The following DAAM1 variants were observed in gnomAD, a reference collection of about 807,000 sequenced individuals.
DAAM1 encodes disheveled-associated activator of morphogenesis 1.
In DAAM1, 52 loss-of-function variants were observed where a neutral mutation model predicts 130.0. The ratio of observed to expected loss-of-function variants is 0.40; its 90% CI spans 0.32 to 0.50. The LOEUF is 0.50. Ranked by LOEUF, DAAM1 falls within the 20% of genes least tolerant of loss-of-function variation. The pLI, the probability that DAAM1 is intolerant of heterozygous loss-of-function variation, is 0.61. For missense variants in DAAM1, 1,134 were observed against 1,303.8 expected (o/e 0.87, Z 2.01); for synonymous variants, 452 against 444.5 (o/e 1.02, Z -0.21).
rs34255509 is a variant in DAAM1, at chr14:59,243,554, T to A, written c.-37-19887T>A. Among the ~76,000 whole-genome samples the A allele has an allele frequency of 2.2e-3, 335 of 152,200 alleles. 1 individual carries two copies. Among genetic ancestry groups the A allele is most frequent in the African/African-American group, 7.6e-3 (314 of 41,532 alleles). Reference sequence around the variant, plus strand: ...ATTTGAGGTGACTCCTTTACAGATATCAAGAGCTATGGCTGCCTCTGATTC... The same window carrying A: ...ATTTGAGGTGACTCCTTTACAGATAACAAGAGCTATGGCTGCCTCTGATTC... On this transcript the variant is annotated intron_variant, in intron 1 of 24. Transcript: ENST00000360909.
intron 20 of DAAM1, among the ~76,000 whole-genome samples, chr14:59,355,978 T>C (rs1162364132): frequency 6.6e-6 from 1 of 152,218 alleles, no homozygotes; most frequent in Non-Finnish European, 1.5e-5. Context: ...AAATGCTTCC[T>C]AGAAAGTGTT....
intron 15 of DAAM1, chr14:59,338,402 T>G: frequency 1.9e-6 from 3 of 1,613,772 alleles, no homozygotes; most frequent in Non-Finnish European, 1.7e-6. Flanking sequence ...TTGTGAACAG[T>G]AACTCCAAGC....
chr14:59,343,833 G>C (rs963826668), intron 16 of DAAM1, among the ~76,000 whole-genome samples: 1 of 152,156 alleles, frequency 6.6e-6, no homozygotes, highest in African/African-American at 2.4e-5. Context: ...CTCTCAGAAA[G>C]AGATGGCCTA....
At chr14:59,272,924 G>T (rs189080774) in intron 2 of DAAM1, among the ~76,000 whole-genome samples, 2 of 152,100 alleles carry the variant, frequency 1.3e-5, no homozygotes, top group African/African-American at 4.8e-5. Context: ...AGTTATTTTG[G>T]CCCTGAGAAC....
At chr14:59,254,684 C>T (rs927383458) in intron 1 of DAAM1, among the ~76,000 whole-genome samples, 11 of 152,126 alleles carry the variant, frequency 7.2e-5, no homozygotes, top group African/African-American at 2.7e-4. Flanking sequence ...TCTTGGCTTC[C>T]AGACTCTGGT....
intron 2 of DAAM1, among the ~76,000 whole-genome samples, chr14:59,271,969 G>T (rs7149285): frequency 4.6e-5 from 7 of 151,282 alleles, no homozygotes; most frequent in Admixed American, 6.6e-5. Flanking sequence ...ACTGATAGAA[G>T]GAAAAAAAAA....
intron 3 of DAAM1, among the ~76,000 whole-genome samples, chr14:59,314,047 T>C (rs1884692795): frequency 6.6e-6 from 1 of 152,266 alleles, no homozygotes; most frequent in Non-Finnish European, 1.5e-5. Context: ...AAATTGCATT[T>C]CTTTTATTCC....
chr14:59,275,056 G>A (rs897687579), intron 2 of DAAM1, among the ~76,000 whole-genome samples: 2 of 152,178 alleles, frequency 1.3e-5, no homozygotes, highest in Non-Finnish European at 2.9e-5. Context: ...CCTCTTGAGG[G>A]TGTGGGAGGG....
intron 23 of DAAM1, 62 bp from the exon 24 acceptor site, chr14:59,367,367 A>G (rs1031301034): frequency 2.2e-5 from 33 of 1,533,778 alleles, no homozygotes; most frequent in Admixed American, 6.3e-5. Flanking sequence ...TTCTCAAGTT[A>G]TTTATATTTG....
At chr14:59,219,670 G>C (rs553929920) in intron 1 of DAAM1, among the ~76,000 whole-genome samples, 1 of 152,316 alleles carries the variant, frequency 6.6e-6, no homozygotes, top group African/African-American at 2.4e-5. Flanking sequence ...CTTAGGTATA[G>C]TCAAGACTTA....
intron 1 of DAAM1, among the ~76,000 whole-genome samples, chr14:59,189,816 A>G (rs1887672671): frequency 6.6e-6 from 1 of 152,078 alleles, no homozygotes; most frequent in Non-Finnish European, 1.5e-5. Context: ...AAACCCTGCT[A>G]AGGTCTCAAG....
intron 17 of DAAM1, among the ~76,000 whole-genome samples, chr14:59,348,220 G>C (rs1051837465): frequency 6.6e-6 from 1 of 152,148 alleles, no homozygotes; most frequent in African/African-American, 2.4e-5. Flanking sequence ...GCAAGAATGG[G>C]ATTTACACCC....
chr14:59,221,052 TC>T (rs1421011852), intron 1 of DAAM1, among the ~76,000 whole-genome samples: 1 of 152,074 alleles, frequency 6.6e-6, no homozygotes, highest in Non-Finnish European at 1.5e-5. Context: ...TCCATACACA[TC>T]CCCTTAAACC....
intron 1 of DAAM1, among the ~76,000 whole-genome samples, chr14:59,196,960 G>A (rs1297704198): frequency 3.3e-5 from 5 of 151,828 alleles, no homozygotes; most frequent in South Asian, 2.1e-4. Context: ...TCGCTCTGTC[G>A]CCCAGGCTGG....
At chr14:59,211,215 C>G (rs909745362) in intron 1 of DAAM1, among the ~76,000 whole-genome samples, 1 of 151,984 alleles carries the variant, frequency 6.6e-6, no homozygotes, top group Non-Finnish European at 1.5e-5. Flanking sequence ...TTGTAATAAT[C>G]CCAGTAACAG....
chr14:59,257,887 C>T (rs1881981510), intron 1 of DAAM1, among the ~76,000 whole-genome samples: 1 of 152,142 alleles, frequency 6.6e-6, no homozygotes, highest in Non-Finnish European at 1.5e-5. Flanking sequence ...CAACACTTTG[C>T]AGGGCTGGTC....
chr14:59,206,285 A>AT (rs1566648645), intron 1 of DAAM1, among the ~76,000 whole-genome samples: 3 of 151,386 alleles, frequency 2.0e-5, no homozygotes, highest in South Asian at 4.2e-4. Context: ...ATTTTATTTT[A>AT]TTTTTTTTGA....
At position 59,297,542 on chromosome 14, in the gene DAAM1, A is replaced by G. The variant is rs577165293; in HGVS notation, c.273+6236A>G. The stretch of plus-strand genomic sequence containing the variant: ...ATGTTTCTAAAGAAATTTTAATGAC[A>G]TGGGAATCTGCTCAGTATGTAATGG... On this transcript the variant is annotated intron_variant, in intron 3 of 24. Coordinates refer to ENST00000360909, the MANE Select transcript of DAAM1 (RefSeq NM_001270520.2). Among the ~76,000 whole-genome samples the G allele has an allele frequency of 2.4e-4, 37 of 152,298 alleles. No individual in the cohort carries two copies. In the Middle Eastern group the frequency reaches 0.01, roughly 42 times the overall value.
chr14:59,316,528 T>C lies in DAAM1; in HGVS notation c.345+1177T>C, dbSNP rs10132321. Among the ~76,000 whole-genome samples, 320 of 152,316 alleles carry C rather than the reference T, an allele frequency of 2.1e-3. 1 individual carries two copies. The highest frequency in any genetic ancestry group is 7.2e-3 in the African/African-American group (301 of 41,560). ...CTACATAAGTTTTTCCCCAAGGGTT[T>C]CTAGTCTAAAAGCATAGCAGAAATG... On this transcript the variant is annotated intron_variant, in intron 4 of 24. Coordinates refer to ENST00000360909, the MANE Select transcript of DAAM1 (RefSeq NM_001270520.2).
Sources: gnomAD v4.1 joint callset for allele counts (sites outside exome capture counted in the v4.1 genomes callset) on GRCh38, gnomAD v4.1.1 for gene constraint, MANE v1.5 for transcripts, NCBI Gene and HGNC (gene_info 2026-07-23, HGNC 2026-07-21) for gene names.